Variants in CPNE8 observed in about 807,000 individuals in gnomAD.
The protein encoded by CPNE8 is copine-8.
Under a neutral mutation model 81.5 loss-of-function variants are expected in CPNE8, and 45 were observed. The ratio of observed to expected loss-of-function variants is 0.55; its 90% CI spans 0.44 to 0.71. The LOEUF (loss-of-function observed/expected upper bound fraction) is 0.71, where lower values mean the gene tolerates loss of function less well. Among genes scored for constraint, CPNE8 ranks in the 30% least tolerant of loss-of-function variants. The pLI is 0.00. For synonymous variants in CPNE8, 252 were observed against 226.3 expected (o/e 1.11, Z -1.02); for missense variants, 594 against 672.1 (o/e 0.88, Z 1.28).
chr12:38,748,501 T>A (rs1229057525), intron 10 of CPNE8, among the ~76,000 whole-genome samples: 2 of 151,966 alleles, frequency 1.3e-5, no homozygotes, highest in Non-Finnish European at 1.5e-5. Flanking sequence ...AATAGTATTT[T>A]TTTTTTCTTT....
chr12:38,787,325 A>G (rs1285314646), intron 6 of CPNE8, among the ~76,000 whole-genome samples: 2 of 152,086 alleles, frequency 1.3e-5, no homozygotes, highest in Non-Finnish European at 2.9e-5. Context: ...ATAGAAACAC[A>G]TGAAAATTTA....
chr12:38,811,027 C>T (rs974354366), intron 6 of CPNE8, among the ~76,000 whole-genome samples: 30 of 152,144 alleles, frequency 2.0e-4, no homozygotes, highest in Middle Eastern at 3.4e-3. Context: ...TTGAGCTCAA[C>T]GTATTAGTAA....
At chr12:38,682,613 A>T (rs1939435349) in intron 16 of CPNE8, among the ~76,000 whole-genome samples, 1 of 152,208 alleles carries the variant, frequency 6.6e-6, no homozygotes, top group Non-Finnish European at 1.5e-5. Context: ...ATCTCAGTAT[A>T]TCCAAAGTAC....
chr12:38,786,315 A>T (rs1942187117), intron 6 of CPNE8, among the ~76,000 whole-genome samples: 1 of 152,148 alleles, frequency 6.6e-6, no homozygotes, highest in Admixed American at 6.5e-5. Flanking sequence ...GCCAAAAGAG[A>T]TTAACATTTG....
intron 1 of CPNE8, among the ~76,000 whole-genome samples, chr12:38,893,575 A>G (rs371164360): frequency 2.6e-5 from 4 of 152,230 alleles, no homozygotes; most frequent in South Asian, 4.1e-4. Context: ...TGCTCTGCCT[A>G]TGGGTTAGCC....
chr12:38,871,470 G>T (rs1298988089), intron 3 of CPNE8, among the ~76,000 whole-genome samples: 1 of 152,162 alleles, frequency 6.6e-6, no homozygotes. Flanking sequence ...GGGAACTCTG[G>T]AGAGAATGAC....
At chr12:38,793,723 A>G (rs755585599) in intron 6 of CPNE8, among the ~76,000 whole-genome samples, 1 of 152,030 alleles carries the variant, frequency 6.6e-6, no homozygotes, top group Non-Finnish European at 1.5e-5. Flanking sequence ...AAAAAAATCA[A>G]TCTATAATTC....
At chr12:38,783,906 A>G (rs1942110742) in intron 6 of CPNE8, among the ~76,000 whole-genome samples, 1 of 152,196 alleles carries the variant, frequency 6.6e-6, no homozygotes, top group Non-Finnish European at 1.5e-5. Flanking sequence ...GGGTACCAAC[A>G]AGCCCAGACA....
At chr12:38,906,242 T>A (rs1229673706), upstream of CPNE8, 1 of 984,084 alleles carries the variant, frequency 1.0e-6, no homozygotes, top group Non-Finnish European at 1.2e-6. Flanking sequence ...GTCGGCCACT[T>A]GAGAGTTGGG....
intron 14 of CPNE8, among the ~76,000 whole-genome samples, chr12:38,699,961 T>C (rs895521900): frequency 2.0e-5 from 3 of 152,304 alleles, no homozygotes; most frequent in Admixed American, 6.5e-5. Context: ...ATAGTAGATT[T>C]TCAGTGGATT....
At chr12:38,752,646 C>T (rs1226749268) in intron 10 of CPNE8, among the ~76,000 whole-genome samples, 1 of 152,162 alleles carries the variant, frequency 6.6e-6, no homozygotes, top group Non-Finnish European at 1.5e-5. Context: ...ATTAATATAA[C>T]TCATTCAGCA....
intron 17 of CPNE8, chr12:38,676,032 C>A (rs150496996): frequency 0.013 from 2,176 of 164,390 alleles, 30 homozygotes; most frequent in South Asian, 0.043. Context: ...GGAGGGATCA[C>A]CTGGGCCTAG....
chr12:38,669,592 T>C (rs1240893832), intron 19 of CPNE8, among the ~76,000 whole-genome samples: 1 of 152,168 alleles, frequency 6.6e-6, no homozygotes, highest in East Asian at 1.9e-4. Context: ...ACACGGCCAC[T>C]TTAAGTTCCA....
chr12:38,745,816 A>ACCT (rs759458084), intron 10 of CPNE8, among the ~76,000 whole-genome samples: 34 of 152,318 alleles, frequency 2.2e-4, no homozygotes, highest in Non-Finnish European at 4.4e-4. Flanking sequence ...TGCTGGGATT[A>ACCT]CCTACGTGAG....
intron 6 of CPNE8, among the ~76,000 whole-genome samples, chr12:38,808,769 TA>T (rs199996806): frequency 1.5e-4 from 22 of 149,114 alleles, no homozygotes; most frequent in Admixed American, 3.4e-4. Context: ...TAAAATAAAA[TA>T]AAAAAAAGAC....
chr12:38,736,753 C>T (rs1269835341), intron 10 of CPNE8, among the ~76,000 whole-genome samples: 3 of 151,970 alleles, frequency 2.0e-5, no homozygotes, highest in African/African-American at 7.2e-5. Context: ...AAATAGAAAG[C>T]ATATGATAGT....
chr12:38,739,413 G>A (rs1289976667), intron 10 of CPNE8, among the ~76,000 whole-genome samples: 1 of 152,144 alleles, frequency 6.6e-6, no homozygotes, highest in African/African-American at 2.4e-5. Flanking sequence ...TTAAAAAGTT[G>A]AGTGAGCTGC....
chr12:38,887,323 A>T (rs1322352452), intron 1 of CPNE8, among the ~76,000 whole-genome samples: 1 of 152,174 alleles, frequency 6.6e-6, no homozygotes, highest in Non-Finnish European at 1.5e-5. Flanking sequence ...AGCTAGGTTC[A>T]GGTATTAATA....
chr12:38,827,478 G>A (rs1369144379), intron 6 of CPNE8, among the ~76,000 whole-genome samples: 1 of 152,100 alleles, frequency 6.6e-6, no homozygotes, highest in Non-Finnish European at 1.5e-5. Context: ...TGGGTACATA[G>A]CCAAAGGAAT....
Sources: gnomAD v4.1 joint callset for allele counts (sites outside exome capture counted in the v4.1 genomes callset) on GRCh38, gnomAD v4.1.1 for gene constraint, MANE v1.5 for transcripts, NCBI Gene and HGNC (gene_info 2026-07-23, HGNC 2026-07-21) for gene names.